The following PARD3B variants were observed in gnomAD, a reference collection of about 807,000 sequenced individuals.
The protein encoded by PARD3B is partitioning defective 3 homolog B.
In PARD3B, 103 loss-of-function variants were observed where a neutral mutation model predicts 130.2. The ratio of observed to expected loss-of-function variants is 0.79; its 90% CI spans 0.67 to 0.93. The LOEUF is 0.93. PARD3B is among the 40% of genes least tolerant of loss of function. The probability of loss-of-function intolerance (pLI) is 0.00; values close to 1 mark genes in which losing one functional copy is unlikely to be tolerated. For synonymous variants in PARD3B, 583 were observed against 553.2 expected, an observed-to-expected ratio of 1.05 and a Z score of -0.76; for missense variants, 1,609 against 1,499.2, an observed-to-expected ratio of 1.07 and a Z score of -1.21.
rs1344210089 is a variant in PARD3B at position 205,470,659 on chromosome 2, C to G, written c.3045-29237C>G. Among the ~76,000 whole-genome samples the G allele has an allele frequency of 2.6e-5, 4 of 152,206 alleles. No homozygotes were observed. In the East Asian group the frequency reaches 7.7e-4, roughly 29 times the overall value. On this transcript the variant is annotated intron_variant, in intron 20 of 22. Coordinates refer to ENST00000406610, the MANE Select transcript of PARD3B (RefSeq NM_001302769.2). This position sits in a 1 kb window ranked among gnomAD's most constrained non-coding sequence, Gnocchi z 4.8. ...ATTTCCAGGGCAACCCTGTCTCCCA[C>G]TTAGATCCTCTGGCTTAGAAACTAC... is the stretch of plus-strand genomic sequence containing the variant.
chr2:204,959,420 A>G (rs1690555090), intron 2 of PARD3B, among the ~76,000 whole-genome samples: 1 of 152,168 alleles, frequency 6.6e-6, no homozygotes, highest in Admixed American at 6.5e-5. Context: ...GCTATTGTAA[A>G]TAGTGCTGCA....
Position 204,800,439 on chromosome 2 carries a change from G to GAGAC in PARD3B, c.222+114161_222+114164dup, listed in dbSNP as rs200645019. Among the ~76,000 whole-genome samples, 1,131 of 152,168 alleles carry GAGAC rather than the reference G, an allele frequency of 7.4e-3. 10 individuals are homozygous for GAGAC. Among genetic ancestry groups the GAGAC allele is most frequent in the African/African-American group, 0.026 (1,069 of 41,494 alleles). On this transcript the variant is annotated intron_variant, in intron 2 of 22. Transcript: ENST00000406610. ...CTCAAAAAGTCAGTAGAGAGAGAGAGAGACAGAGATCTAGGTAAAAAGTTT... is the reference window on the plus strand; with the variant it reads ...CTCAAAAAGTCAGTAGAGAGAGAGAGAGACAGACAGAGATCTAGGTAAAAAGTTT...
At chr2:205,416,886 C>T (rs1251353216) in intron 19 of PARD3B, among the ~76,000 whole-genome samples, 1 of 152,124 alleles carries the variant, frequency 6.6e-6, no homozygotes, top group Non-Finnish European at 1.5e-5. Context: ...GTTGGACCTT[C>T]AAGGCCTTCA....
chr2:205,004,816 G>A lies in PARD3B; in HGVS notation c.394+39493G>A, dbSNP rs368133551. On this transcript the variant is annotated intron_variant, in intron 3 of 22. Coordinates refer to ENST00000406610, the MANE Select transcript of PARD3B (RefSeq NM_001302769.2). ...TGAAATGAGAGATGTGCTATTCGTT[G>A]GTTCAACCTGATGTGCTCTCAAGAT... Among the ~76,000 whole-genome samples the A allele has an allele frequency of 2.0e-5, 3 of 152,248 alleles. No individual in the cohort carries two copies. In the East Asian group the frequency reaches 5.8e-4, roughly 29 times the overall value.
chr2:204,906,700 A>G lies in PARD3B; in HGVS notation c.223-58452A>G, dbSNP rs895675876. On this transcript the variant is annotated intron_variant, in intron 2 of 22. Transcript: ENST00000406610. The surrounding 1 kb of genome is among the most constrained non-coding windows in gnomAD (Gnocchi z 4.3). ...GAGTGAGTTCAAAATTTGTTTTTACATTTAGCCTGACTTCCAGCCATGGAG... is the reference window on the plus strand; with the variant it reads ...GAGTGAGTTCAAAATTTGTTTTTACGTTTAGCCTGACTTCCAGCCATGGAG... 1.3e-5 allele frequency among the ~76,000 whole-genome samples: 2 copies of G among 152,352 alleles called. No individual in the cohort carries two copies. Among genetic ancestry groups the G allele is most frequent in the East Asian group, 1.9e-4 (1 of 5,192 alleles).
chr2:204,948,013 C>T (rs1259025101), intron 2 of PARD3B, among the ~76,000 whole-genome samples: 1 of 152,160 alleles, frequency 6.6e-6, no homozygotes, highest in Non-Finnish European at 1.5e-5. Flanking sequence ...AAGTCTGTAT[C>T]TTGCTATGTT....
Position 205,326,745 on chromosome 2 carries a change from C to T in PARD3B, c.2630+25044C>T, listed in dbSNP as rs548004083. Among the ~76,000 whole-genome samples, 18 of 152,188 alleles carry T rather than the reference C, an allele frequency of 1.2e-4. 1 individual carries two copies. In the South Asian group the frequency reaches 3.7e-3, roughly 32 times the overall value. ...AGGTCAAATCTATGTGGAAGAATAT[C>T]ACATATCCTAATGCTGACAGTATTT... is the stretch of plus-strand genomic sequence containing the variant. On this transcript the variant is annotated intron_variant, in intron 18 of 22. Transcript: ENST00000406610.
chr2:205,104,542 C>G (rs1272199494), intron 5 of PARD3B, 28 bp downstream of exon 5: 2 of 1,343,506 alleles, frequency 1.5e-6, no homozygotes, highest in Admixed American at 1.7e-5. Flanking sequence ...ATAAGAATAT[C>G]TGATTTATTT....
intron 1 of PARD3B, among the ~76,000 whole-genome samples, chr2:204,637,791 A>C (rs2034938154): frequency 6.8e-6 from 1 of 146,246 alleles, no homozygotes; most frequent in Admixed American, 6.9e-5. Flanking sequence ...TGGGGGTTTT[A>C]GCGTGTCCTT....
In PARD3B at chr2:204,677,452, C is replaced by T. The variant is rs1411953307; in HGVS notation, c.121-8729C>T. 2.6e-5 allele frequency among the ~76,000 whole-genome samples: 4 copies of T among 152,146 alleles called. No homozygotes were observed. The highest frequency in any genetic ancestry group is 2.6e-4 in the Admixed American group (4 of 15,276). On this transcript the variant is annotated intron_variant, in intron 1 of 22. Coordinates refer to ENST00000406610, the MANE Select transcript of PARD3B (RefSeq NM_001302769.2). This position sits in a 1 kb window ranked among gnomAD's most constrained non-coding sequence, Gnocchi z 4.1. The stretch of plus-strand genomic sequence containing the variant: ...GTCTTTGAAATAGCAAAGTGTTTTC[C>T]TTTTTGTTCTCCAATTTAGACAAGC...
chr2:204,912,470 A>G (rs1399247197), intron 2 of PARD3B, among the ~76,000 whole-genome samples: 2 of 152,320 alleles, frequency 1.3e-5, no homozygotes, highest in South Asian at 2.1e-4. Context: ...TAGTGATTTT[A>G]TGTGCTCCAA....
intron 2 of PARD3B, among the ~76,000 whole-genome samples, chr2:204,902,333 G>T (rs1173324080): frequency 6.6e-6 from 1 of 151,820 alleles, no homozygotes; most frequent in East Asian, 1.9e-4. Context: ...ATAAGCATGA[G>T]TGTGATCGCT....
intron 16 of PARD3B, among the ~76,000 whole-genome samples, chr2:205,273,179 T>C (rs1416803798): frequency 6.6e-6 from 1 of 152,232 alleles, no homozygotes; most frequent in East Asian, 1.9e-4. Context: ...TTGTGTTGAT[T>C]GCTTCAATGT....
intron 15 of PARD3B, among the ~76,000 whole-genome samples, chr2:205,207,540 C>T (rs1450516657): frequency 7.0e-6 from 1 of 141,852 alleles, no homozygotes; most frequent in Non-Finnish European, 1.5e-5. Flanking sequence ...GGGGATATCA[C>T]CACCGATCCC....
intron 2 of PARD3B, among the ~76,000 whole-genome samples, chr2:204,829,314 A>G (rs962620408): frequency 2.6e-5 from 4 of 152,206 alleles, no homozygotes; most frequent in Non-Finnish European, 5.9e-5. Context: ...AAGTGGCATT[A>G]TCCCAATTTT....
chr2:205,174,186 T>A (rs1468122985), intron 12 of PARD3B, among the ~76,000 whole-genome samples: 1 of 152,162 alleles, frequency 6.6e-6, no homozygotes, highest in East Asian at 1.9e-4. Context: ...ATTCTCACAC[T>A]CTGGGTAGAT....
In PARD3B at chr2:204,647,340, CTTTG is replaced by C. The variant is rs540593529; in HGVS notation, c.121-38838_121-38835del. On this transcript the variant is annotated intron_variant, in intron 1 of 22. Coordinates refer to ENST00000406610, the MANE Select transcript of PARD3B (RefSeq NM_001302769.2). ...ATTCCTTATATTCTGCATATCTGTC[CTTTG>C]TTGGATACAGTTTTGTTATACATGT... Among the ~76,000 whole-genome samples the C allele has an allele frequency of 4.9e-3, 746 of 151,346 alleles. 8 individuals carry two copies. Among genetic ancestry groups the C allele is most frequent in the African/African-American group, 0.017 (690 of 41,374 alleles).
chr2:205,442,290 CTTTTTTT>C lies in PARD3B; in HGVS notation c.3044+1638_3044+1644del, dbSNP rs71410814. ...GGTAAGCCACAAGGAACAGGTTTTC[CTTTTTTT>C]TTTTTTTTTTTTTTTTTTTGAGACG... On this transcript the variant is annotated intron_variant, in intron 20 of 22. Coordinates refer to ENST00000406610, the MANE Select transcript of PARD3B (RefSeq NM_001302769.2). Among the ~76,000 whole-genome samples, 234 of 105,980 alleles carry C rather than the reference CTTTTTTT, an allele frequency of 2.2e-3. 1 individual carries two copies. The highest frequency in any genetic ancestry group is 3.9e-3 in the Non-Finnish European group (210 of 54,436). 69.5% of individuals were successfully genotyped at this position (105,980 alleles called of 152,430 possible).
chr2:204,701,872 G>A lies in PARD3B; in HGVS notation c.222+15590G>A, dbSNP rs114917015. Among the ~76,000 whole-genome samples the A allele has an allele frequency of 5.0e-3, 764 of 152,152 alleles. 10 individuals are homozygous for A. Among genetic ancestry groups the A allele is most frequent in the African/African-American group, 0.016 (682 of 41,512 alleles). On this transcript the variant is annotated intron_variant, in intron 2 of 22. Transcript: ENST00000406610. ...CTGAGCAAGGTACCCAAGAGTTAGC[G>A]TTTGAACCCTTTCCCTTTTTGCTAC...
Sources: gnomAD v4.1 joint callset for allele counts (sites outside exome capture counted in the v4.1 genomes callset) on GRCh38, gnomAD v4.1.1 for gene constraint, Gnocchi (gnomAD v3.1) non-coding constraint, MANE v1.5 for transcripts, NCBI Gene and HGNC (gene_info 2026-07-23, HGNC 2026-07-21) for gene names.